LENG8: variants seen among roughly 807,000 people sequenced by gnomAD.
The protein encoded by LENG8 is leukocyte receptor cluster (LRC) member 8.
In LENG8, 28 loss-of-function variants were observed where a neutral mutation model predicts 102.1. The observed-to-expected ratio is 0.27, with a 90% confidence interval of 0.20 to 0.38. The LOEUF (loss-of-function observed/expected upper bound fraction) is 0.38. Among genes scored for constraint, LENG8 ranks in the 10% least tolerant of loss-of-function variants. LENG8 has a pLI of 1.00. For missense variants in LENG8, 1,022 were observed against 1,113.9 expected (o/e 0.92, Z 1.17); for synonymous variants, 531 against 456.7 (o/e 1.16, Z -2.07).
At chr19:54,460,471 T>G in intron 15 of LENG8, 1 of 1,320,522 alleles carries the variant, frequency 7.6e-7, no homozygotes, top group Non-Finnish European at 9.7e-7. Context: ...ATCTGGTCCC[T>G]GCCCCTCAGC....
At chr19:54,460,508 C>T (rs2084477182) in intron 15 of LENG8, 2 of 1,376,832 alleles carry the variant, frequency 1.5e-6, no homozygotes, top group Non-Finnish European at 1.9e-6. Context: ...TGGGCCCTTC[C>T]CTGCCCGTCC....
At chr19:54,453,452 G>C in intron 4 of LENG8, 94 bp from the exon 5 acceptor site, 1 of 772,606 alleles carries the variant, frequency 1.3e-6, no homozygotes, top group Non-Finnish European at 2.3e-6. Context: ...GTGAGGGATT[G>C]GTAGAGGGTC....
Position 54,458,471 on chromosome 19 carries a change from C to G in LENG8, c.2190C>G (p.Asp730Glu), listed in dbSNP as rs557149682. ...HAPCMSGYLV[D>E]KFADRERKVA... is the part of the protein sequence containing the mutation. ...CCTGCATGTCTGGCTACCTCGTGGA[C>G]AAGTTTGCAGATCGGGAGCGCAAGG... Residue 730 changes from aspartate (D) to glutamate (E), a missense_variant, in exon 15 of 16, where the codon GAC (aspartate) becomes GAG (glutamate). Around this residue, in one of 7 missense-constraint regions of LENG8, gnomAD observed 129 missense variants for 123.0 expected, o/e 1.05. Transcript: ENST00000326764. 1.2e-6 allele frequency: 2 copies of G among 1,614,280 alleles called. No individual in the cohort carries two copies. The highest frequency in any genetic ancestry group is 1.7e-5 in the Admixed American group (1 of 60,036).
Position 54,455,699 on chromosome 19 carries a change from G to A in LENG8, c.1025+132G>A. On this transcript the variant is annotated intron_variant, in intron 8 of 15. Transcript: ENST00000326764. ...GAAATGAACTGGAAAGTTGGATCCT[G>A]GGGGGATGAAGTCCTGGTTGGAGGG... 4 of 944,128 alleles carry A rather than the reference G, an allele frequency of 4.2e-6. No homozygotes were observed. In the South Asian group the frequency reaches 6.2e-5, roughly 15 times the overall value. The allele number at this position is 944,128 out of a possible 1,614,324, so 58.5% of individuals were successfully genotyped here.
At chr19:54,459,350 C>T in intron 15 of LENG8, 1 of 998,242 alleles carries the variant, frequency 1.0e-6, no homozygotes, top group Non-Finnish European at 1.2e-6. Flanking sequence ...AGAGCCTGGC[C>T]AGGTGGCTGT....
chr19:54,459,338 T>TC, intron 15 of LENG8: 1 of 999,970 alleles, frequency 1.0e-6, no homozygotes, highest in Non-Finnish European at 1.2e-6. Flanking sequence ...GAAGAGGCCT[T>TC]GAGAGCCTGG....
At chr19:54,460,167 C>T (rs1204962965) in intron 15 of LENG8, 3 of 1,289,928 alleles carry the variant, frequency 2.3e-6, no homozygotes, top group Non-Finnish European at 2.0e-6. Context: ...ACTTAGTGCC[C>T]CTCACTCGGT....
At position 54,455,584 on chromosome 19, in the gene LENG8, G is replaced by A. The variant is rs751803560; in HGVS notation, c.1025+17G>A. On this transcript the variant is annotated intron_variant, in intron 8 of 15. Coordinates refer to ENST00000326764, the MANE Select transcript of LENG8 (RefSeq NM_052925.4). ...CTTGCCGGGGTTAGTCTGGGTGGGG[G>A]ACATAGGTGGGAGGGTGGTGCTGTG... 6 of 1,596,318 alleles carry A rather than the reference G, an allele frequency of 3.8e-6. No individual in the cohort carries two copies. The Admixed American group carries it at 8.6e-5, about 23-fold the overall frequency.
chr19:54,461,956 G>T lies in LENG8; in HGVS notation c.*1028G>T. On this transcript the variant is annotated 3_prime_UTR_variant, in exon 16 of 16. Coordinates refer to ENST00000326764, the MANE Select transcript of LENG8 (RefSeq NM_052925.4). The stretch of plus-strand genomic sequence containing the variant: ...TTTTCCTTCCTTCCTTCCTTTCCTT[G>T]GAGCACTGAGCACCATTTGGAAGCT... The T allele has an allele frequency of 1.9e-6, 2 of 1,027,860 alleles. No individual in the cohort carries two copies. Among genetic ancestry groups the T allele is most frequent in the Non-Finnish European group, 3.1e-6 (2 of 655,206 alleles). 63.7% of individuals were successfully genotyped at this position (1,027,860 alleles called of 1,614,324 possible).
intron 15 of LENG8, chr19:54,459,618 T>G: frequency 1.0e-6 from 1 of 994,958 alleles, no homozygotes; most frequent in African/African-American, 1.7e-5. Context: ...ATGGAGGCCT[T>G]GAGAGCCTGG....
rs141640196 is a variant in LENG8, at chr19:54,458,418, C to T, written c.2137C>T (p.Arg713Cys). The change falls in exon 15 of 16, where the codon CGC becomes TGC. Residue 713 changes from arginine to cysteine, a missense_variant. Arg to Cys is a radical substitution (Grantham distance 180). This residue lies in a region of LENG8 where 158 missense variants were observed against 229.0 expected (regional missense o/e 0.69). Transcript: ENST00000326764. ...AGCCTGGGCCCTGGGCAACTACCACCGCTTTTTCCGGCTCTACTGCCATGC... is the reference window on the plus strand; with the variant it reads ...AGCCTGGGCCCTGGGCAACTACCACTGCTTTTTCCGGCTCTACTGCCATGC... ...RTAWALGNYH[R>C]FFRLYCHAPC... The T allele has an allele frequency of 9.9e-6, 16 of 1,614,150 alleles. No homozygotes were observed. Among genetic ancestry groups the T allele is most frequent in the South Asian group, 3.3e-5 (3 of 91,096 alleles).
At chr19:54,453,238 G>T (rs929450763) in intron 4 of LENG8, among the ~76,000 whole-genome samples, 1 of 152,158 alleles carries the variant, frequency 6.6e-6, no homozygotes, top group Non-Finnish European at 1.5e-5. Context: ...GATGTCTCCA[G>T]CCGGACATGT....
Position 54,457,920 on chromosome 19 carries a change from C to T in LENG8, c.1834-14C>T, listed in dbSNP as rs1301665316. The T allele has an allele frequency of 2.5e-6, 4 of 1,613,844 alleles. No homozygotes were observed. The highest frequency in any genetic ancestry group is 1.1e-5 in the South Asian group (1 of 91,088). On this transcript the variant is annotated splice_polypyrimidine_tract_variant and intron_variant, in intron 12 of 15. Coordinates refer to ENST00000326764, the MANE Select transcript of LENG8 (RefSeq NM_052925.4). ...CCGCTCCTTGTGACTCTTGTTCTCGCCCCGCTGCCCCAGGTGCAGGGCATC... is the reference window on the plus strand; with the variant it reads ...CCGCTCCTTGTGACTCTTGTTCTCGTCCCGCTGCCCCAGGTGCAGGGCATC...
chr19:54,451,515 G>A, intron 2 of LENG8, 133 bp downstream of exon 2: 1 of 895,030 alleles, frequency 1.1e-6, no homozygotes, highest in South Asian at 1.4e-5. Flanking sequence ...GGGGGTGGTG[G>A]TGAGGCAAAC....
Position 54,460,973 on chromosome 19 carries a change from G to A in LENG8, c.*45G>A, listed in dbSNP as rs1405582542. On this transcript the variant is annotated 3_prime_UTR_variant, in exon 16 of 16. Coordinates refer to ENST00000326764, the MANE Select transcript of LENG8 (RefSeq NM_052925.4). ...GGGGGCAGGGGCTGCAGCCCCCAGC[G>A]CTGCCTTTGCGGATTCTGTTTTTGA... 2.0e-6 allele frequency: 3 copies of A among 1,536,228 alleles called. No homozygotes were observed. The highest frequency in any genetic ancestry group is 2.4e-5 in the East Asian group (1 of 40,920).
intron 15 of LENG8, chr19:54,458,928 G>C (rs980979415): frequency 6.6e-7 from 1 of 1,525,178 alleles, no homozygotes; most frequent in Non-Finnish European, 8.8e-7. Context: ...ACAGCCTCTG[G>C]TCTACCAGGA....
At chr19:54,454,860 C>T in intron 6 of LENG8, 91 bp from the exon 7 acceptor site, 1 of 1,543,700 alleles carries the variant, frequency 6.5e-7, no homozygotes. Flanking sequence ...AACCTGAGCG[C>T]TCCTCCCTGC....
intron 3 of LENG8, 71 bp downstream of exon 3, chr19:54,452,338 T>C (rs2084001207): frequency 7.3e-7 from 1 of 1,375,148 alleles, no homozygotes; most frequent in Admixed American, 2.2e-5. Flanking sequence ...TGGCGTCCTG[T>C]TGTATCATTC....
At chr19:54,451,739 C>T (rs117339354) in intron 2 of LENG8, among the ~76,000 whole-genome samples, 3 of 152,066 alleles carry the variant, frequency 2.0e-5, no homozygotes, top group Non-Finnish European at 2.9e-5. Context: ...GATAACCTGC[C>T]GACTGGGGTG....
Sources: gnomAD v4.1 joint callset for allele counts (sites outside exome capture counted in the v4.1 genomes callset) on GRCh38, gnomAD v4.1.1 for gene constraint, gnomAD v4.1.1 regional missense constraint, MANE v1.5 for transcripts, NCBI Gene and HGNC (gene_info 2026-07-23, HGNC 2026-07-21) for gene names.